ANXA13: variants seen among roughly 807,000 people sequenced by gnomAD.
ANXA13 encodes the protein annexin A13.
Under a neutral mutation model 46.6 loss-of-function variants are expected in ANXA13, and 36 were observed. That is an observed-to-expected ratio of 0.77 (90% CI 0.59 to 1.02). The LOEUF is 1.02. ANXA13 is among the 50% of genes least tolerant of loss of function. ANXA13 has a pLI of 0.00. For missense variants in ANXA13, 417 were observed against 396.5 expected (o/e 1.05, Z -0.44); for synonymous variants, 163 against 152.9 (o/e 1.07, Z -0.49).
At chr8:123,727,905 T>C (rs1404934330) in intron 1 of ANXA13, 1 of 152,180 alleles carries the variant, frequency 6.6e-6, no homozygotes, top group Non-Finnish European at 1.5e-5. Flanking sequence ...TTACATTCTT[T>C]AATTTTTTTG....
chr8:123,735,386 G>A (rs1227062626), intron 1 of ANXA13, among the ~76,000 whole-genome samples: 1 of 152,006 alleles, frequency 6.6e-6, no homozygotes. Flanking sequence ...ATAGTTTTTT[G>A]TTCTTTAAAA....
chr8:123,715,019 T>A (rs1253269103), intron 1 of ANXA13, among the ~76,000 whole-genome samples: 1 of 152,234 alleles, frequency 6.6e-6, no homozygotes, highest in Non-Finnish European at 1.5e-5. Context: ...GCTTCCATCA[T>A]CCAACAGAGG....
At chr8:123,689,262 T>C (rs1813191051) in intron 8 of ANXA13, among the ~76,000 whole-genome samples, 1 of 148,006 alleles carries the variant, frequency 6.8e-6, no homozygotes. Flanking sequence ...TATTATAATA[T>C]ATATAATTAA....
chr8:123,685,624 CTGT>C (rs1316903966), intron 9 of ANXA13, among the ~76,000 whole-genome samples: 1 of 152,148 alleles, frequency 6.6e-6, no homozygotes, highest in Admixed American at 6.5e-5. Flanking sequence ...CATAATGGGG[CTGT>C]TGTTGTCTAG....
At chr8:123,722,583 A>G (rs1813904734) in intron 1 of ANXA13, among the ~76,000 whole-genome samples, 1 of 152,214 alleles carries the variant, frequency 6.6e-6, no homozygotes, top group African/African-American at 2.4e-5. Flanking sequence ...GGCAAAACAG[A>G]CAGCCATCTC....
intron 4 of ANXA13, among the ~76,000 whole-genome samples, chr8:123,698,135 C>T (rs1247939499): frequency 6.6e-6 from 1 of 152,206 alleles, no homozygotes; most frequent in African/African-American, 2.4e-5. Context: ...ATAAAAGCAT[C>T]AGTTTAGAAA....
chr8:123,734,545 A>C (rs1477560790), intron 1 of ANXA13, among the ~76,000 whole-genome samples: 1 of 152,092 alleles, frequency 6.6e-6, no homozygotes, highest in African/African-American at 2.4e-5. Flanking sequence ...TAATAGTGGC[A>C]AAAGAATTGA....
At chr8:123,696,197 T>A (rs138623242) in intron 4 of ANXA13, among the ~76,000 whole-genome samples, 160 of 152,270 alleles carry the variant, frequency 1.1e-3, no homozygotes, top group Admixed American at 2.0e-3. Flanking sequence ...GTACCTATCA[T>A]TCCTTGACTT....
At chr8:123,698,642 A>G (rs1231085699) in intron 3 of ANXA13, 83 bp from the exon 4 acceptor site, 55 of 1,430,640 alleles carry the variant, frequency 3.8e-5, no homozygotes, top group Non-Finnish European at 5.1e-5. Flanking sequence ...GCAAGTGCTC[A>G]TAGTTGACAA....
intron 1 of ANXA13, among the ~76,000 whole-genome samples, chr8:123,716,501 G>A (rs531119715): frequency 2.0e-5 from 3 of 152,228 alleles, no homozygotes; most frequent in East Asian, 3.9e-4. Flanking sequence ...TTCCTAATCT[G>A]CTTGAGAAGA....
At chr8:123,683,703 C>T (rs1283701076) in intron 10 of ANXA13, among the ~76,000 whole-genome samples, 1 of 151,564 alleles carries the variant, frequency 6.6e-6, no homozygotes, top group Non-Finnish European at 1.5e-5. Context: ...TCTCATGCCT[C>T]AGCCTCCTGA....
At chr8:123,730,661 A>G (rs573627374) in intron 1 of ANXA13, among the ~76,000 whole-genome samples, 54 of 152,280 alleles carry the variant, frequency 3.5e-4, no homozygotes, top group African/African-American at 1.2e-3. Flanking sequence ...TATTTCCTAA[A>G]TCCAATTATT....
At position 123,719,858 on chromosome 8, in the gene ANXA13, C is replaced by T. The variant is rs138702566; in HGVS notation, c.16-7105G>A. On this transcript the variant is annotated intron_variant, in intron 1 of 10. Coordinates refer to ENST00000419625, the MANE Select transcript of ANXA13 (RefSeq NM_004306.4). ...GGGCAAGCTGATTCACGTCTCTGAGCCTTAGTTGTCTCATCTTTAAAGTGG... is the reference window on the plus strand; with the variant it reads ...GGGCAAGCTGATTCACGTCTCTGAGTCTTAGTTGTCTCATCTTTAAAGTGG... Among the ~76,000 whole-genome samples, 77 of 152,288 alleles carry T rather than the reference C, an allele frequency of 5.1e-4. No homozygotes were observed. The East Asian group carries it at 0.014, about 28-fold the overall frequency.
chr8:123,725,750 A>C (rs1296502312), intron 1 of ANXA13, among the ~76,000 whole-genome samples: 1 of 152,178 alleles, frequency 6.6e-6, no homozygotes, highest in East Asian at 1.9e-4. Context: ...TTCATCATGT[A>C]GTTATTGCTG....
chr8:123,706,017 A>G (rs1404005641), intron 2 of ANXA13, among the ~76,000 whole-genome samples: 1 of 152,166 alleles, frequency 6.6e-6, no homozygotes, highest in Admixed American at 6.5e-5. Context: ...TTAACCTCAA[A>G]GAGTATTTTC....
intron 10 of ANXA13, among the ~76,000 whole-genome samples, chr8:123,683,380 T>G (rs191813357): frequency 4.2e-4 from 64 of 151,516 alleles, no homozygotes; most frequent in African/African-American, 1.3e-3. Flanking sequence ...GATCAGAATT[T>G]GGGTTGGTGT....
chr8:123,686,792 G>C (rs554316102), intron 9 of ANXA13, among the ~76,000 whole-genome samples: 1 of 152,124 alleles, frequency 6.6e-6, no homozygotes, highest in African/African-American at 2.4e-5. Flanking sequence ...CTCACCCCCT[G>C]CTCCTAGATG....
rs775817458 is a variant in ANXA13 at position 123,681,342 on chromosome 8, G to A, written c.849C>T (p.Ile283=). Residue 283 remains isoleucine, a synonymous_variant, in exon 11 of 11, where the codon ATC becomes ATT. Transcript: ENST00000419625. ...VTRAEVDLQG[I]KAKFQEKYQK... The stretch of plus-strand genomic sequence containing the variant: ...GATACTTCTCTTGGAACTTTGCTTT[G>A]ATCCCCTGAAGGTCCACCTGTAGAA... 1 of 1,613,936 alleles carries A rather than the reference G, an allele frequency of 6.2e-7. No individual in the cohort carries two copies. The highest frequency in any genetic ancestry group is 8.5e-7 in the Non-Finnish European group (1 of 1,179,922).
At chr8:123,685,439 T>C (rs751738636) in intron 9 of ANXA13, among the ~76,000 whole-genome samples, 1 of 152,160 alleles carries the variant, frequency 6.6e-6, no homozygotes, top group Non-Finnish European at 1.5e-5. Flanking sequence ...GAATAAATCA[T>C]TCCTTCCCCT....
Sources: gnomAD v4.1 joint callset for allele counts (sites outside exome capture counted in the v4.1 genomes callset) on GRCh38, gnomAD v4.1.1 for gene constraint, MANE v1.5 for transcripts, NCBI Gene and HGNC (gene_info 2026-07-23, HGNC 2026-07-21) for gene names.